The following NDUFV2 variants were observed in gnomAD, a reference collection of about 807,000 sequenced individuals.
The protein encoded by NDUFV2 is NADH:ubiquinone oxidoreductase core subunit V2, also known as NADH dehydrogenase [ubiquinone] flavoprotein 2, mitochondrial.
Under a neutral mutation model 31.6 loss-of-function variants are expected in NDUFV2, and 18 were observed. The observed-to-expected ratio is 0.57, with a 90% CI of 0.39 to 0.84. The LOEUF is 0.84. Among genes scored for constraint, NDUFV2 ranks in the 40% least tolerant of loss-of-function variants. The pLI is 0.00. For missense variants in NDUFV2, 314 were observed against 303.6 expected, an observed-to-expected ratio of 1.03 and a Z score of -0.26; for synonymous variants, 83 against 99.8, an observed-to-expected ratio of 0.83 and a Z score of 1.01.
At chr18:9,115,276 C>G (rs1187747257) in intron 1 of NDUFV2, among the ~76,000 whole-genome samples, 3 of 151,978 alleles carry the variant, frequency 2.0e-5, no homozygotes, top group Non-Finnish European at 4.4e-5. Context: ...TAATCAGTGT[C>G]TGTATTTAAT....
At chr18:9,129,839 G>T (rs973567670) in intron 7 of NDUFV2, among the ~76,000 whole-genome samples, 1 of 152,136 alleles carries the variant, frequency 6.6e-6, no homozygotes, top group Non-Finnish European at 1.5e-5. Flanking sequence ...AAAACTGTTG[G>T]AATGTTTTCA....
At chr18:9,117,783 G>A (rs1342124315) in intron 1 of NDUFV2, 55 bp from the exon 2 acceptor site, 2 of 1,007,408 alleles carry the variant, frequency 2.0e-6, no homozygotes, top group Non-Finnish European at 3.1e-6. Context: ...ATTTCTTTAT[G>A]AAAAATTTTT....
intron 1 of NDUFV2, among the ~76,000 whole-genome samples, chr18:9,115,456 G>GT (rs2077893413): frequency 1.3e-5 from 2 of 152,068 alleles, no homozygotes; most frequent in African/African-American, 4.8e-5. Context: ...TTTAGGTTGT[G>GT]TTTTTGCTGC....
At chr18:9,106,909 C>CCGT (rs200238489) in intron 1 of NDUFV2, among the ~76,000 whole-genome samples, 1 of 60,168 alleles carries the variant, frequency 1.7e-5, no homozygotes, top group African/African-American at 4.5e-5. Flanking sequence ...ATCACTTCGA[C>CCGT]CCTCCTGGCA....
At chr18:9,129,028 C>G (rs1305550005) in intron 7 of NDUFV2, among the ~76,000 whole-genome samples, 2 of 152,112 alleles carry the variant, frequency 1.3e-5, no homozygotes, top group Non-Finnish European at 2.9e-5. Flanking sequence ...ACTTCTGCCT[C>G]CCAGGCTCAA....
chr18:9,104,366 T>G, intron 1 of NDUFV2: 1 of 1,439,076 alleles, frequency 6.9e-7, no homozygotes, highest in South Asian at 1.3e-5. Context: ...AGATGTGGTT[T>G]CTGTTTTGGA....
intron 7 of NDUFV2, among the ~76,000 whole-genome samples, chr18:9,129,741 G>A (rs986373456): frequency 3.9e-5 from 6 of 152,186 alleles, no homozygotes; most frequent in Admixed American, 6.5e-5. Context: ...TATGGCTGCA[G>A]TGAGGTGCTC....
chr18:9,133,794 A>G (rs2078060941), intron 7 of NDUFV2, among the ~76,000 whole-genome samples: 1 of 152,126 alleles, frequency 6.6e-6, no homozygotes, highest in Non-Finnish European at 1.5e-5. Context: ...GGGGTTGGGT[A>G]TTTTTGCCGT....
intron 2 of NDUFV2, among the ~76,000 whole-genome samples, chr18:9,118,826 T>TTTG (rs1555697095): frequency 6.7e-6 from 1 of 148,582 alleles, no homozygotes; most frequent in Non-Finnish European, 1.5e-5. Context: ...TTTTTTTTTT[T>TTTG]TTTTTTTTTT....
chr18:9,121,097 A>G (rs1401672954), intron 4 of NDUFV2, among the ~76,000 whole-genome samples: 1 of 152,088 alleles, frequency 6.6e-6, no homozygotes, highest in Non-Finnish European at 1.5e-5. Context: ...ATGTATTTAT[A>G]TATTGTCCTA....
At chr18:9,120,221 C>CATTTATAA (rs1342927688) in intron 4 of NDUFV2, among the ~76,000 whole-genome samples, 5 of 152,090 alleles carry the variant, frequency 3.3e-5, no homozygotes, top group African/African-American at 1.2e-4. Context: ...TGTATTACAG[C>CATTTATAA]ATATCATTTA....
At chr18:9,126,782 A>C in intron 6 of NDUFV2, 49 bp from the exon 7 acceptor site, 2 of 1,472,648 alleles carry the variant, frequency 1.4e-6, no homozygotes, top group Non-Finnish European at 1.9e-6. Flanking sequence ...AAATATATCG[A>C]TATAAAAGAA....
chr18:9,126,100 A>G lies in NDUFV2; in HGVS notation c.580-731A>G, dbSNP rs147896067. 3.9e-3 allele frequency among the ~76,000 whole-genome samples: 590 copies of G among 152,330 alleles called. 3 individuals are homozygous for G. The highest frequency in any genetic ancestry group is 0.013 in the African/African-American group (525 of 41,564). Reference sequence around the variant, plus strand: ...TGGGTACTTATTTCTTGATTTAAATAGGAATTAGACAGTCAAGGCTTTGTG... The same window carrying G: ...TGGGTACTTATTTCTTGATTTAAATGGGAATTAGACAGTCAAGGCTTTGTG... On this transcript the variant is annotated intron_variant, in intron 6 of 7. Coordinates refer to ENST00000318388, the MANE Select transcript of NDUFV2 (RefSeq NM_021074.5).
chr18:9,112,020 T>TTG (rs1203533865), intron 1 of NDUFV2, among the ~76,000 whole-genome samples: 94 of 148,512 alleles, frequency 6.3e-4, no homozygotes, highest in African/African-American at 2.3e-3. Context: ...CAGAAGGGTT[T>TTG]TTTTTTTTTT....
chr18:9,115,218 C>T (rs1007876763), intron 1 of NDUFV2, among the ~76,000 whole-genome samples: 5 of 152,020 alleles, frequency 3.3e-5, no homozygotes, highest in Non-Finnish European at 7.4e-5. Context: ...TCATTAACAT[C>T]GTAATAAGAG....
rs560565566 is a variant in NDUFV2, at chr18:9,105,870, C to T, written c.54+3073C>T. On this transcript the variant is annotated intron_variant, in intron 1 of 7. Coordinates refer to ENST00000318388, the MANE Select transcript of NDUFV2 (RefSeq NM_021074.5). Reference sequence around the variant, plus strand: ...GTCTTTAGGCATGATTATAGCTGTCCTGAAGTTTGTGTCTGGTAATCTTAG... The same window carrying T: ...GTCTTTAGGCATGATTATAGCTGTCTTGAAGTTTGTGTCTGGTAATCTTAG... Among the ~76,000 whole-genome samples the T allele has an allele frequency of 1.3e-4, 20 of 152,198 alleles. No individual in the cohort carries two copies. The South Asian group carries it at 4.1e-3, about 32-fold the overall frequency.
intron 1 of NDUFV2, among the ~76,000 whole-genome samples, chr18:9,116,256 G>A (rs889225283): frequency 1.6e-4 from 25 of 152,266 alleles, no homozygotes; most frequent in Admixed American, 1.6e-3. Flanking sequence ...TGAGCCCTGA[G>A]GACAGCCTGC....
At chr18:9,128,215 C>T (rs1260593554) in intron 7 of NDUFV2, among the ~76,000 whole-genome samples, 1 of 152,106 alleles carries the variant, frequency 6.6e-6, no homozygotes, top group Admixed American at 6.5e-5. Flanking sequence ...CTGTGATGTG[C>T]TCTTACTCCC....
At chr18:9,125,685 C>T (rs2077983884) in intron 6 of NDUFV2, among the ~76,000 whole-genome samples, 1 of 151,936 alleles carries the variant, frequency 6.6e-6, no homozygotes, top group Non-Finnish European at 1.5e-5. Flanking sequence ...TTCAAGATAC[C>T]TTGTTAGCTC....
Sources: allele counts gnomAD v4.1 joint callset (sites outside exome capture counted in the v4.1 genomes callset), GRCh38; gene constraint gnomAD v4.1.1; transcripts MANE v1.5; gene names NCBI Gene and HGNC (gene_info 2026-07-23, HGNC 2026-07-21).